Variants in DTNA observed in about 807,000 individuals in gnomAD.
The protein encoded by DTNA is dystrophin-related protein 3.
In DTNA, 43 loss-of-function variants were observed where a neutral mutation model predicts 100.7. The observed-to-expected ratio is 0.43, with a 90% CI of 0.33 to 0.55. The LOEUF is 0.55. DTNA is among the 20% of genes least tolerant of loss of function. The pLI is 0.04. For missense variants in DTNA, 798 were observed against 953.9 expected (o/e 0.84, Z 2.15); for synonymous variants, 349 against 347.9 (o/e 1.00, Z -0.04).
intron 1 of DTNA, among the ~76,000 whole-genome samples, chr18:34,508,701 A>G (rs1388745275): frequency 6.6e-6 from 1 of 152,190 alleles, no homozygotes; most frequent in African/African-American, 2.4e-5. Context: ...TACACTTTCA[A>G]CTAGCAATTT....
chr18:34,749,017 A>G (rs574148987), intron 1 of DTNA, among the ~76,000 whole-genome samples: 1 of 151,558 alleles, frequency 6.6e-6, no homozygotes, highest in East Asian at 1.9e-4. Flanking sequence ...GGTATTTTTT[A>G]TTTCTTTGGT....
intron 1 of DTNA, among the ~76,000 whole-genome samples, chr18:34,560,493 A>G (rs983433367): frequency 6.6e-6 from 1 of 152,230 alleles, no homozygotes; most frequent in African/African-American, 2.4e-5. Flanking sequence ...AAGCCTACAC[A>G]TAGTTTACTC....
intron 1 of DTNA, chr18:34,683,666 C>T (rs1217077170): frequency 3.3e-5 from 5 of 152,108 alleles, no homozygotes; most frequent in Non-Finnish European, 2.9e-5. Flanking sequence ...TCTAAAACTC[C>T]TTCATCATCC....
At chr18:34,591,738 G>A (rs547618198) in intron 1 of DTNA, among the ~76,000 whole-genome samples, 2 of 152,022 alleles carry the variant, frequency 1.3e-5, no homozygotes, top group African/African-American at 4.8e-5. Context: ...GTCAACTTTG[G>A]GGACAAAAAT....
At position 34,596,416 on chromosome 18, in the gene DTNA, A is replaced by G. The variant is rs530691082; in HGVS notation, c.-2+102902A>G. The stretch of plus-strand genomic sequence containing the variant: ...GTATTTTTAGTAGAGTCGGGTTTTC[A>G]ACATGTTGGCCAGGCTCATCTCGAA... On this transcript the variant is annotated intron_variant, in intron 1 of 19. Coordinates refer to the DTNA transcript ENST00000283365. 6.6e-4 allele frequency among the ~76,000 whole-genome samples: 101 copies of G among 152,064 alleles called. 1 individual carries two copies. Among genetic ancestry groups the G allele is most frequent in the African/African-American group, 2.4e-3 (98 of 41,494 alleles).
chr18:34,669,568 T>C (rs2076449650), intron 1 of DTNA, among the ~76,000 whole-genome samples: 1 of 152,246 alleles, frequency 6.6e-6, no homozygotes, highest in Admixed American at 6.5e-5. Context: ...CTGGTAACAG[T>C]TGTCCCTTTC....
Position 34,766,175 on chromosome 18 carries a change from G to T in DTNA, c.148+134G>T, listed in dbSNP as rs965308854. 62 of 1,042,970 alleles carry T rather than the reference G, an allele frequency of 5.9e-5. 1 individual carries two copies. In the Middle Eastern group the frequency reaches 6.3e-4, roughly 11 times the overall value. The allele number at this position is 1,042,970 out of a possible 1,614,324, so 64.6% of individuals were successfully genotyped here. A position where few individuals can be genotyped will look rare whatever the true frequency, so the allele number is the denominator to read the frequency against. On this transcript the variant is annotated intron_variant, in intron 3 of 22. Coordinates refer to ENST00000444659, the MANE Select transcript of DTNA (RefSeq NM_001386795.1). Reference sequence around the variant, plus strand: ...TATATGTTTACACAACAATAAAAGGGGTATTATGAGGCACAAATGGTAGAG... The same window carrying T: ...TATATGTTTACACAACAATAAAAGGTGTATTATGAGGCACAAATGGTAGAG...
chr18:34,694,059 A>AT (rs2080173338), intron 1 of DTNA, among the ~76,000 whole-genome samples: 1 of 151,386 alleles, frequency 6.6e-6, no homozygotes, highest in Non-Finnish European at 1.5e-5. Context: ...GTGGAAAATA[A>AT]TTTTTTAAAA....
intron 4 of DTNA, among the ~76,000 whole-genome samples, chr18:34,803,338 G>T (rs998933447): frequency 1.3e-5 from 2 of 151,626 alleles, no homozygotes; most frequent in Non-Finnish European, 2.9e-5. Flanking sequence ...ACCACTGTTG[G>T]ATCTAGTATC....
At chr18:34,629,500 A>G (rs2057788328) in intron 1 of DTNA, among the ~76,000 whole-genome samples, 1 of 152,166 alleles carries the variant, frequency 6.6e-6, no homozygotes, top group Non-Finnish European at 1.5e-5. Flanking sequence ...CTCGGAAGAT[A>G]TCTAGAAGTG....
chr18:34,737,742 A>G (rs1025827467), intron 1 of DTNA: 3 of 151,466 alleles, frequency 2.0e-5, no homozygotes, highest in East Asian at 2.0e-4. Flanking sequence ...TCTTCGCAGA[A>G]CTCTTTGTTT....
intron 1 of DTNA, chr18:34,737,943 C>G (rs2089944212): frequency 1.3e-5 from 2 of 152,054 alleles, no homozygotes; most frequent in Non-Finnish European, 2.9e-5. Context: ...ATTGCAAAAA[C>G]TGTTAGACAA....
At chr18:34,557,505 A>T (rs990276385) in intron 1 of DTNA, among the ~76,000 whole-genome samples, 1 of 151,264 alleles carries the variant, frequency 6.6e-6, no homozygotes, top group Non-Finnish European at 1.5e-5. Context: ...GGTTTTATCT[A>T]CTTTTGGTCT....
At chr18:34,655,080 A>G (rs1286903991) in intron 1 of DTNA, among the ~76,000 whole-genome samples, 2 of 152,128 alleles carry the variant, frequency 1.3e-5, no homozygotes, top group Non-Finnish European at 2.9e-5. Context: ...TAACACATGT[A>G]GTTTTTCAGA....
At chr18:34,774,707 C>A (rs1601803347) in intron 3 of DTNA, among the ~76,000 whole-genome samples, 1 of 152,176 alleles carries the variant, frequency 6.6e-6, no homozygotes, top group East Asian at 1.9e-4. Context: ...ATAAAAATTT[C>A]ATTTTCAATA....
At position 34,510,211 on chromosome 18, in the gene DTNA, A is replaced by G. The variant is rs867836730; in HGVS notation, c.-2+16697A>G. ...TAGCTTTGACTGCTCCTGCCCATTT[A>G]TGAACAGTGCTAATCTATGCCAATT... On this transcript the variant is annotated intron_variant, in intron 1 of 19. Transcript: ENST00000283365. Among the ~76,000 whole-genome samples, 28 of 151,340 alleles carry G rather than the reference A, an allele frequency of 1.9e-4. No individual in the cohort carries two copies. The Middle Eastern group carries it at 0.014, about 74-fold the overall frequency.
chr18:34,866,602 G>T, intron 17 of DTNA: 1 of 1,010,018 alleles, frequency 9.9e-7, no homozygotes, highest in South Asian at 4.1e-5. Flanking sequence ...CTGAAAACCT[G>T]TGAAACCTCT....
intron 1 of DTNA, among the ~76,000 whole-genome samples, chr18:34,739,565 A>G (rs2090252111): frequency 6.6e-6 from 1 of 151,964 alleles, no homozygotes; most frequent in Non-Finnish European, 1.5e-5. Context: ...TCACTTGCAA[A>G]CTCCAAGTCT....
intron 20 of DTNA, among the ~76,000 whole-genome samples, chr18:34,880,027 G>T (rs2096857168): frequency 6.6e-6 from 1 of 152,080 alleles, no homozygotes; most frequent in South Asian, 2.1e-4. Context: ...ACCCTTTTAG[G>T]ACTCACAGAC....
Sources: gnomAD v4.1 joint callset for allele counts (sites outside exome capture counted in the v4.1 genomes callset) on GRCh38, gnomAD v4.1.1 for gene constraint, MANE v1.5 for transcripts, NCBI Gene and HGNC (gene_info 2026-07-23, HGNC 2026-07-21) for gene names.